The following ADAMTS16 variants were observed in gnomAD, a reference collection of about 807,000 sequenced individuals.
ADAMTS16 encodes A disintegrin and metalloproteinase with thrombospondin motifs 16.
Under a neutral mutation model 145.8 loss-of-function variants are expected in ADAMTS16, and 94 were observed. The ratio of observed to expected loss-of-function variants is 0.64; its 90% CI spans 0.55 to 0.77. The LOEUF (loss-of-function observed/expected upper bound fraction) is 0.77, where lower values mean the gene tolerates loss of function less well. ADAMTS16 is among the 30% of genes least tolerant of loss of function. The pLI is 0.00. For synonymous variants in ADAMTS16, 659 were observed against 604.3 expected, an observed-to-expected ratio of 1.09 and a Z score of -1.33; for missense variants, 1,585 against 1,591.5, an observed-to-expected ratio of 1.00 and a Z score of 0.07.
In ADAMTS16 at chr5:5,295,928, G is replaced by A. The variant is rs185914903; in HGVS notation, c.2790-7340G>A. Reference sequence around the variant, plus strand: ...CAGTACATCCATTACAACCTTCTATGTCCAAATACAATGTAAGTTTAAGAT... The same window carrying A: ...CAGTACATCCATTACAACCTTCTATATCCAAATACAATGTAAGTTTAAGAT... On this transcript the variant is annotated intron_variant, in intron 18 of 22. Transcript: ENST00000274181. Among the ~76,000 whole-genome samples the A allele has an allele frequency of 1.8e-3, 276 of 152,326 alleles. 4 individuals carry two copies. Among genetic ancestry groups the A allele is most frequent in the Non-Finnish European group, 6.6e-4 (45 of 68,032 alleles).
At chr5:5,242,250 C>T (rs1358041109) in intron 17 of ADAMTS16, 59 bp downstream of exon 17, 2 of 1,591,746 alleles carry the variant, frequency 1.3e-6, no homozygotes, top group Admixed American at 1.7e-5. Flanking sequence ...CCACTGCGTA[C>T]ATTGCACTGG....
intron 18 of ADAMTS16, among the ~76,000 whole-genome samples, chr5:5,286,805 C>T (rs749517064): frequency 3.0e-4 from 42 of 142,298 alleles, no homozygotes; most frequent in South Asian, 1.4e-3. Flanking sequence ...TTGCAGTGAG[C>T]CGAGATAGTG....
chr5:5,236,927 G>A (rs1481968117), intron 13 of ADAMTS16, 42 bp from the exon 14 acceptor site: 2 of 1,574,102 alleles, frequency 1.3e-6, no homozygotes, highest in Non-Finnish European at 1.7e-6. Context: ...CAGAGCTTAA[G>A]TATTTTTCTT....
intron 17 of ADAMTS16, among the ~76,000 whole-genome samples, chr5:5,259,957 G>A (rs1158358355): frequency 1.3e-5 from 2 of 152,146 alleles, no homozygotes; most frequent in African/African-American, 2.4e-5. Flanking sequence ...TGCCTGGGGG[G>A]ACTTTGGACA....
Position 5,242,774 on chromosome 5 carries a change from A to G in ADAMTS16, c.2662+583A>G, listed in dbSNP as rs147210859. On this transcript the variant is annotated intron_variant, in intron 17 of 22. Coordinates refer to ENST00000274181, the MANE Select transcript of ADAMTS16 (RefSeq NM_139056.4). The stretch of plus-strand genomic sequence containing the variant: ...CATACTGTAAACAATGGAAGCTCAC[A>G]TTTATATCGGTAAAGCTACTTCCAC... 1.8e-3 allele frequency among the ~76,000 whole-genome samples: 271 copies of G among 152,364 alleles called. 1 individual carries two copies. The highest frequency in any genetic ancestry group is 3.2e-3 in the Non-Finnish European group (221 of 68,034).
At position 5,224,358 on chromosome 5, in the gene ADAMTS16, C is replaced by T. The variant is rs144273728; in HGVS notation, c.1701+1474C>T. Among the ~76,000 whole-genome samples, 839 of 152,244 alleles carry T rather than the reference C, an allele frequency of 5.5e-3. 1 individual carries two copies. Among genetic ancestry groups the T allele is most frequent in the Non-Finnish European group, 8.5e-3 (576 of 68,018 alleles). ...AGGTTGGAGTGCAGTGGTGCGATCTCAGCTAACTGCAACCTCCGCCTCCCA... is the reference window on the plus strand; with the variant it reads ...AGGTTGGAGTGCAGTGGTGCGATCTTAGCTAACTGCAACCTCCGCCTCCCA... On this transcript the variant is annotated intron_variant, in intron 11 of 22. Coordinates refer to ENST00000274181, the MANE Select transcript of ADAMTS16 (RefSeq NM_139056.4).
intron 8 of ADAMTS16, 48 bp from the exon 9 acceptor site, chr5:5,200,084 A>G (rs1466903737): frequency 6.5e-7 from 1 of 1,535,636 alleles, no homozygotes; most frequent in South Asian, 1.2e-5. Flanking sequence ...GATAATTTAA[A>G]CTGTTTTTGT....
intron 3 of ADAMTS16, among the ~76,000 whole-genome samples, chr5:5,165,219 C>T (rs1474527570): frequency 6.6e-6 from 1 of 152,146 alleles, no homozygotes; most frequent in African/African-American, 2.4e-5. Flanking sequence ...TCCTCTGCTC[C>T]GGCTTCTTTT....
In ADAMTS16 at chr5:5,181,409, G is replaced by A. The variant is rs111419707; in HGVS notation, c.502-635G>A. ...ATTTTGTCTCTCTACGATTTTTAAC[G>A]TTGTATTTAGTCTGTTTTGCCCTAC... On this transcript the variant is annotated intron_variant, in intron 3 of 22. Transcript: ENST00000274181. Among the ~76,000 whole-genome samples, 322 of 152,230 alleles carry A rather than the reference G, an allele frequency of 2.1e-3. 1 individual carries two copies. Among genetic ancestry groups the A allele is most frequent in the African/African-American group, 7.2e-3 (301 of 41,518 alleles).
intron 3 of ADAMTS16, among the ~76,000 whole-genome samples, chr5:5,159,504 C>T (rs188756763): frequency 3.2e-4 from 49 of 152,224 alleles, no homozygotes; most frequent in African/African-American, 6.3e-4. Flanking sequence ...CAGTCCCCGC[C>T]GCCCCCACTC....
At chr5:5,206,796 C>T (rs1022791307) in intron 9 of ADAMTS16, among the ~76,000 whole-genome samples, 3 of 152,072 alleles carry the variant, frequency 2.0e-5, no homozygotes, top group African/African-American at 4.8e-5. Context: ...AATTTTTTTA[C>T]GTGTAGATGA....
chr5:5,279,180 C>T (rs1463576336), intron 18 of ADAMTS16, among the ~76,000 whole-genome samples: 2 of 152,212 alleles, frequency 1.3e-5, no homozygotes, highest in African/African-American at 2.4e-5. Context: ...GTGTCTCTGC[C>T]ATGCTGAACA....
At chr5:5,161,380 C>G (rs1405654133) in intron 3 of ADAMTS16, among the ~76,000 whole-genome samples, 1 of 152,216 alleles carries the variant, frequency 6.6e-6, no homozygotes, top group Non-Finnish European at 1.5e-5. Context: ...TTCCACCTTT[C>G]ATCCACCCTT....
At chr5:5,241,566 T>C (rs1737293048) in intron 16 of ADAMTS16, among the ~76,000 whole-genome samples, 2 of 152,220 alleles carry the variant, frequency 1.3e-5, no homozygotes, top group South Asian at 2.1e-4. Flanking sequence ...AGCATGACGA[T>C]GCTTTGTAGG....
intron 6 of ADAMTS16, among the ~76,000 whole-genome samples, 164 bp from the exon 7 acceptor site, chr5:5,189,807 C>T (rs892888595): frequency 2.4e-4 from 37 of 152,174 alleles, no homozygotes; most frequent in African/African-American, 7.2e-4. Flanking sequence ...TGGATCTGTA[C>T]GGGTTTTATA....
chr5:5,209,054 A>C lies in ADAMTS16; in HGVS notation c.1452-39A>C. 4 of 1,595,872 alleles carry C rather than the reference A, an allele frequency of 2.5e-6. No individual in the cohort carries two copies. The Middle Eastern group carries it at 6.7e-4, about 269-fold the overall frequency. The stretch of plus-strand genomic sequence containing the variant: ...TAGTTGTAAGTCCTTTGGTTACTCT[A>C]CGGGCAGTTACTAGTAGCTCATCTC... On this transcript the variant is annotated intron_variant, in intron 9 of 22. Transcript: ENST00000274181.
intron 4 of ADAMTS16, among the ~76,000 whole-genome samples, chr5:5,183,069 A>G (rs1289554958): frequency 6.6e-6 from 1 of 152,158 alleles, no homozygotes. Context: ...TGAATGAGTG[A>G]ACGAACAAAA....
chr5:5,193,032 T>G (rs57815571), intron 8 of ADAMTS16, among the ~76,000 whole-genome samples: 5,461 of 152,272 alleles, frequency 0.036, 325 homozygotes, highest in African/African-American at 0.12. Flanking sequence ...CAACCTGATT[T>G]TATTGGCAAA....
At chr5:5,189,027 G>A (rs1439117155) in intron 6 of ADAMTS16, among the ~76,000 whole-genome samples, 1 of 152,190 alleles carries the variant, frequency 6.6e-6, no homozygotes, top group Non-Finnish European at 1.5e-5. Context: ...TTGCCCCCGT[G>A]TTTGTGTGTA....
Sources: allele counts gnomAD v4.1 joint callset (sites outside exome capture counted in the v4.1 genomes callset), GRCh38; gene constraint gnomAD v4.1.1; transcripts MANE v1.5; gene names NCBI Gene and HGNC (gene_info 2026-07-23, HGNC 2026-07-21).